The following PPFIBP1 variants were observed in gnomAD, a reference collection of about 807,000 sequenced individuals.
The protein encoded by PPFIBP1 is liprin-beta-1.
PPFIBP1 carries 112 observed loss-of-function variants against 137.8 expected under a neutral mutation model. The ratio of observed to expected loss-of-function variants is 0.81; its 90% CI spans 0.70 to 0.95. PPFIBP1 has a LOEUF of 0.95. Ranked by LOEUF, PPFIBP1 falls within the 40% of genes least tolerant of loss-of-function variation. PPFIBP1 has a pLI of 0.00. For synonymous variants in PPFIBP1, 378 were observed against 417.3 expected (o/e 0.91, Z 1.15); for missense variants, 1,083 against 1,196.6 (o/e 0.91, Z 1.40).
chr12:27,579,959 A>G (rs1021125365), intron 2 of PPFIBP1, among the ~76,000 whole-genome samples: 1 of 152,142 alleles, frequency 6.6e-6, no homozygotes, highest in African/African-American at 2.4e-5. Context: ...CTGGCAGAGA[A>G]GGGTTTTGAT....
chr12:27,591,169 G>A (rs1254930950), intron 2 of PPFIBP1, among the ~76,000 whole-genome samples: 4 of 151,888 alleles, frequency 2.6e-5, no homozygotes, highest in African/African-American at 9.7e-5. Context: ...GAAGAAAGAA[G>A]AGAGGAAGGA....
At chr12:27,582,842 C>T (rs952453248) in intron 2 of PPFIBP1, among the ~76,000 whole-genome samples, 2 of 152,210 alleles carry the variant, frequency 1.3e-5, no homozygotes, top group African/African-American at 4.8e-5. Flanking sequence ...GAGGTGTAAT[C>T]CCTTACCAGT....
In PPFIBP1 at chr12:27,681,533, C is replaced by T. The variant is rs749732224; in HGVS notation, c.1896-13C>T. The T allele has an allele frequency of 3.6e-5, 58 of 1,611,248 alleles. No individual in the cohort carries two copies. Among genetic ancestry groups the T allele is most frequent in the Non-Finnish European group, 4.7e-5 (55 of 1,177,916 alleles). On this transcript the variant is annotated splice_polypyrimidine_tract_variant and intron_variant, in intron 21 of 29. Coordinates refer to ENST00000228425, the MANE Select transcript of PPFIBP1 (RefSeq NM_003622.4). ...TTGGATTATTTTTCATGCAATTACTCATTTTCCTGTAGTGACTTGGATATG... is the reference window on the plus strand; with the variant it reads ...TTGGATTATTTTTCATGCAATTACTTATTTTCCTGTAGTGACTTGGATATG...
Position 27,689,055 on chromosome 12 carries a change from T to G in PPFIBP1, c.2537T>G (p.Leu846Ter). ...TTTAACGTAGAAACAATGGCTCAGT[T>G]ATTGAACATCCCACCCAATAAGACT... Reference protein sequence around the residue: ...PRFNVETMAQLLNIPPNKTLL... With the variant: ...PRFNVETMAQ The change falls in exon 27 of 30, where the codon TTA (leucine) becomes TGA (stop). Residue 846 changes from leucine to a stop codon, truncating the protein, a stop_gained. Transcript: ENST00000228425. LOFTEE classifies it high-confidence loss of function. The G allele has an allele frequency of 6.2e-7, 1 of 1,613,962 alleles. No individual in the cohort carries two copies. The highest frequency in any genetic ancestry group is 8.5e-7 in the Non-Finnish European group (1 of 1,179,962).
At chr12:27,550,992 T>TATATATATATATA (rs1491167502) in intron 1 of PPFIBP1, among the ~76,000 whole-genome samples, 5 of 88,934 alleles carry the variant, frequency 5.6e-5, no homozygotes, top group African/African-American at 1.1e-4. Flanking sequence ...TATATATATA[T>TATATATATATATA]TTTTTTTTTT....
chr12:27,681,952 A>C (rs369883762), intron 22 of PPFIBP1, among the ~76,000 whole-genome samples: 1 of 151,694 alleles, frequency 6.6e-6, no homozygotes, highest in African/African-American at 2.4e-5. Flanking sequence ...AATTCAGTTC[A>C]TATTTCTCGA....
Position 27,692,603 on chromosome 12 carries a change from G to A in PPFIBP1, c.2878G>A (p.Glu960Lys). Residue 960 changes from glutamate (E) to lysine (K), a missense_variant, in exon 29 of 30, where the codon GAA becomes AAA. Physicochemically the swap from Glu to Lys is moderately conservative, Grantham distance 56. Coordinates refer to ENST00000228425, the MANE Select transcript of PPFIBP1 (RefSeq NM_003622.4). ...LDRLEQMEDS[E>K]GTVRQIGAFS... is the part of the protein sequence containing the mutation. ...TTGTTATTTGCAGATGGAAGATTCA[G>A]AAGGGACAGTGAGACAGATAGGTGC... 1 of 1,613,842 alleles carries A rather than the reference G, an allele frequency of 6.2e-7. No individual in the cohort carries two copies.
chr12:27,626,990 G>C (rs1300722770), intron 2 of PPFIBP1, among the ~76,000 whole-genome samples: 1 of 152,122 alleles, frequency 6.6e-6, no homozygotes, highest in African/African-American at 2.4e-5. Context: ...GTACATAGTA[G>C]GTATGTGCCT....
chr12:27,625,708 C>T (rs1205741682), intron 2 of PPFIBP1, among the ~76,000 whole-genome samples: 2 of 151,862 alleles, frequency 1.3e-5, no homozygotes, highest in Admixed American at 6.5e-5. Context: ...CTTAGCCTCC[C>T]GAGTAGCTGG....
intron 4 of PPFIBP1, among the ~76,000 whole-genome samples, chr12:27,637,594 C>T (rs1402788030): frequency 6.6e-6 from 1 of 151,976 alleles, no homozygotes; most frequent in Non-Finnish European, 1.5e-5. Context: ...TCACCTTGCC[C>T]CCAACCTTCC....
Position 27,540,992 on chromosome 12 carries a change from T to C in PPFIBP1, c.-124+16627T>C, listed in dbSNP as rs1945589667. ...TTTAAATTCGGTTTGTCTTTTATTT[T>C]TGTTAGTGATATGGAGGTTTAAAAT... On this transcript the variant is annotated intron_variant, in intron 1 of 29. Transcript: ENST00000228425. 2.0e-5 allele frequency among the ~76,000 whole-genome samples: 3 copies of C among 152,250 alleles called. No homozygotes were observed. The South Asian group carries it at 6.2e-4, about 31-fold the overall frequency.
At chr12:27,647,639 A>G in intron 5 of PPFIBP1, 90 bp from the exon 6 acceptor site, 2 of 720,066 alleles carry the variant, frequency 2.8e-6, no homozygotes, top group Non-Finnish European at 2.2e-6. Flanking sequence ...TGGTAGGATC[A>G]TTCCTTTTTT....
Position 27,681,607 on chromosome 12 carries a change from C to A in PPFIBP1, c.1957C>A (p.Gln653Lys). 1 of 1,614,174 alleles carries A rather than the reference C, an allele frequency of 6.2e-7. No individual in the cohort carries two copies. Among genetic ancestry groups the A allele is most frequent in the Non-Finnish European group, 8.5e-7 (1 of 1,180,010 alleles). ...GCAGGTTTGCAATTGGCTGATGGAA[C>A]AGGGCTTGGGCTCGTACCTGAATTC... Reference protein sequence around the residue: ...KEQVCNWLMEQGLGSYLNSGK... With the variant: ...KEQVCNWLMEKGLGSYLNSGK... Residue 653 changes from glutamine to lysine, a missense_variant, in exon 22 of 30, where the codon CAG becomes AAG. Gln to Lys is a moderately conservative substitution (Grantham distance 53). Transcript: ENST00000228425.
At chr12:27,623,428 A>G (rs575535902) in intron 2 of PPFIBP1, among the ~76,000 whole-genome samples, 123 of 152,320 alleles carry the variant, frequency 8.1e-4, no homozygotes, top group African/African-American at 2.9e-3. Flanking sequence ...GGCTCGGTGC[A>G]GTGTCTCACA....
intron 5 of PPFIBP1, chr12:27,646,400 G>T: frequency 2.2e-6 from 1 of 453,400 alleles, no homozygotes. Flanking sequence ...AATGTTGTCT[G>T]ATCTGTTCTT....
chr12:27,610,171 A>T (rs894968522), intron 2 of PPFIBP1, among the ~76,000 whole-genome samples: 2 of 152,166 alleles, frequency 1.3e-5, no homozygotes, highest in African/African-American at 2.4e-5. Context: ...AACAGGTCTA[A>T]ATAGGTTTGT....
At chr12:27,543,651 T>C (rs1307548372) in intron 1 of PPFIBP1, among the ~76,000 whole-genome samples, 2 of 152,152 alleles carry the variant, frequency 1.3e-5, no homozygotes, top group African/African-American at 4.8e-5. Context: ...ATAGATACAG[T>C]TAAGGTCAGT....
chr12:27,647,115 C>T (rs2058559293), intron 5 of PPFIBP1, among the ~76,000 whole-genome samples: 1 of 152,216 alleles, frequency 6.6e-6, no homozygotes. Flanking sequence ...GATTCTCCTG[C>T]CTCAGCCTCC....
At chr12:27,572,732 T>G (rs2050245035) in intron 1 of PPFIBP1, among the ~76,000 whole-genome samples, 1 of 152,174 alleles carries the variant, frequency 6.6e-6, no homozygotes, top group Non-Finnish European at 1.5e-5. Flanking sequence ...TACAACACAG[T>G]GCTTAGTACT....
Sources: allele counts gnomAD v4.1 joint callset (sites outside exome capture counted in the v4.1 genomes callset), GRCh38; gene constraint gnomAD v4.1.1; transcripts MANE v1.5; gene names NCBI Gene and HGNC (gene_info 2026-07-23, HGNC 2026-07-21).